PDE4D: variants seen among roughly 807,000 people sequenced by gnomAD.
The protein encoded by PDE4D is 3',5'-cyclic-AMP phosphodiesterase 4D.
Under a neutral mutation model 87.4 loss-of-function variants are expected in PDE4D, and 24 were observed. The ratio of observed to expected loss-of-function variants is 0.27; its 90% CI spans 0.20 to 0.39. PDE4D has a LOEUF of 0.39. Ranked by LOEUF, PDE4D falls within the 10% of genes least tolerant of loss-of-function variation. The pLI is 1.00. For missense variants in PDE4D, 714 were observed against 1,041.0 expected, an observed-to-expected ratio of 0.69 and a Z score of 4.32; for synonymous variants, 384 against 383.2, an observed-to-expected ratio of 1.00 and a Z score of -0.02.
At chr5:59,803,997 C>T (rs1428820943) in intron 1 of PDE4D, among the ~76,000 whole-genome samples, 1 of 152,042 alleles carries the variant, frequency 6.6e-6, no homozygotes, top group Non-Finnish European at 1.5e-5. Context: ...ATGACCATGT[C>T]CCACTTTCTT....
chr5:59,643,995 G>C (rs1742034995), intron 1 of PDE4D, among the ~76,000 whole-genome samples: 1 of 152,146 alleles, frequency 6.6e-6, no homozygotes, highest in South Asian at 2.1e-4. Context: ...TGCCAAGAGA[G>C]ATGTAATAAT....
intron 2 of PDE4D, among the ~76,000 whole-genome samples, chr5:60,156,695 C>T (rs928385048): frequency 2.0e-5 from 3 of 151,892 alleles, no homozygotes; most frequent in East Asian, 1.9e-4. Flanking sequence ...TCTTACCTGC[C>T]CTAGTTTCTG....
rs543564600 is a variant in PDE4D, at chr5:59,275,914, A to G, written c.456-59946T>C. ...AGGAAAACACTCCTCTCCGTGGAGCAAAGAAGTCAGCCAAGGAACAAATCT... is the reference window on the plus strand; with the variant it reads ...AGGAAAACACTCCTCTCCGTGGAGCGAAGAAGTCAGCCAAGGAACAAATCT... On this transcript the variant is annotated intron_variant, in intron 1 of 14. Coordinates refer to ENST00000340635, the MANE Select transcript of PDE4D (RefSeq NM_001104631.2). 2.1e-5 allele frequency: 21 copies of G among 985,366 alleles called. No individual in the cohort carries two copies. The South Asian group carries it at 6.6e-4, about 31-fold the overall frequency. 61.0% of individuals were successfully genotyped at this position (985,366 alleles called of 1,614,324 possible).
intron 1 of PDE4D, among the ~76,000 whole-genome samples, chr5:59,515,185 C>A (rs1216819265): frequency 6.6e-6 from 1 of 152,174 alleles, no homozygotes; most frequent in Non-Finnish European, 1.5e-5. Context: ...TCAAAGATAT[C>A]TAATCTTGAT....
At chr5:59,886,458 A>C (rs962752393) in intron 1 of PDE4D, among the ~76,000 whole-genome samples, 8 of 152,124 alleles carry the variant, frequency 5.3e-5, no homozygotes, top group African/African-American at 1.4e-4. Context: ...CGGAGCTTGC[A>C]GTGAGCCGAG....
At chr5:59,034,293 G>A (rs1337598070) in intron 6 of PDE4D, among the ~76,000 whole-genome samples, 3 of 151,968 alleles carry the variant, frequency 2.0e-5, no homozygotes, top group Non-Finnish European at 4.4e-5. Flanking sequence ...TTGTATTTAG[G>A]CATATTAACA....
chr5:58,995,804 C>T (rs1749076190), intron 6 of PDE4D, among the ~76,000 whole-genome samples: 1 of 152,164 alleles, frequency 6.6e-6, no homozygotes. Context: ...GTATGGGAAA[C>T]CATAGCTATG....
intron 1 of PDE4D, among the ~76,000 whole-genome samples, chr5:60,240,081 ATTAGTCT>A (rs1168288456): frequency 6.6e-6 from 1 of 152,010 alleles, no homozygotes; most frequent in East Asian, 1.9e-4. Flanking sequence ...TAACCTATTT[ATTAGTCT>A]TTTCAGGGCT....
At chr5:60,135,121 G>A (rs978872006) in intron 2 of PDE4D, among the ~76,000 whole-genome samples, 2 of 152,142 alleles carry the variant, frequency 1.3e-5, no homozygotes, top group African/African-American at 4.8e-5. Context: ...TTGAGATGGG[G>A]CACTTGAGAT....
At chr5:59,363,752 C>T (rs964617746) in intron 1 of PDE4D, among the ~76,000 whole-genome samples, 1 of 152,114 alleles carries the variant, frequency 6.6e-6, no homozygotes, top group Non-Finnish European at 1.5e-5. Flanking sequence ...ATCTTGTCTC[C>T]ATTGTGGCTG....
intron 1 of PDE4D, among the ~76,000 whole-genome samples, chr5:60,316,821 C>T (rs1172131135): frequency 6.6e-6 from 1 of 152,226 alleles, no homozygotes; most frequent in Non-Finnish European, 1.5e-5. Flanking sequence ...ACCAGCCTTG[C>T]ATCCCAGGGA....
intron 1 of PDE4D, among the ~76,000 whole-genome samples, chr5:59,388,852 A>G (rs1179037683): frequency 6.6e-6 from 1 of 152,128 alleles, no homozygotes; most frequent in Non-Finnish European, 1.5e-5. Context: ...TTAGGAACTC[A>G]AACGATGTAG....
At chr5:60,244,365 C>G (rs990600963) in intron 1 of PDE4D, among the ~76,000 whole-genome samples, 6 of 151,896 alleles carry the variant, frequency 4.0e-5, no homozygotes, top group African/African-American at 1.4e-4. Context: ...GTTAAAATGT[C>G]CATACTATCC....
chr5:59,587,338 T>C, intron 1 of PDE4D: 1 of 593,174 alleles, frequency 1.7e-6, no homozygotes, highest in Non-Finnish European at 2.1e-6. Context: ...TTTTCTTTTT[T>C]TTCCTCTCTC....
rs1033950387 is a variant in PDE4D at position 59,131,229 on chromosome 5, G to C, written c.808+49366C>G. Among the ~76,000 whole-genome samples the C allele has an allele frequency of 3.9e-5, 6 of 152,226 alleles. No individual in the cohort carries two copies. The South Asian group carries it at 1.2e-3, about 32-fold the overall frequency. On this transcript the variant is annotated intron_variant, in intron 5 of 14. Transcript: ENST00000340635. ...TGTATGTTGCCTTCATGGTGCTTAAGGCAGTTCAATCATACATTTTGTTTT... is the reference window on the plus strand; with the variant it reads ...TGTATGTTGCCTTCATGGTGCTTAACGCAGTTCAATCATACATTTTGTTTT...
intron 1 of PDE4D, among the ~76,000 whole-genome samples, chr5:59,852,913 TA>T: frequency 6.6e-6 from 1 of 152,078 alleles, no homozygotes; most frequent in East Asian, 1.9e-4. Flanking sequence ...CCATAGTTAA[TA>T]GATTATATGT....
At chr5:59,693,409 A>T (rs1049357655) in intron 1 of PDE4D, among the ~76,000 whole-genome samples, 2 of 152,152 alleles carry the variant, frequency 1.3e-5, no homozygotes, top group Non-Finnish European at 2.9e-5. Flanking sequence ...GTTATATATT[A>T]AAAGTGGTTA....
intron 1 of PDE4D, among the ~76,000 whole-genome samples, chr5:59,563,369 GT>G (rs1351922846): frequency 1.3e-5 from 2 of 152,206 alleles, no homozygotes; most frequent in Non-Finnish European, 2.9e-5. Context: ...GCCCACACTA[GT>G]TAACATAACT....
intron 1 of PDE4D, among the ~76,000 whole-genome samples, chr5:59,566,469 A>AT (rs1329150608): frequency 6.6e-6 from 1 of 151,942 alleles, no homozygotes; most frequent in East Asian, 1.9e-4. Flanking sequence ...AGATAAAAAA[A>AT]CCCTTCACAG....
Sources: gnomAD v4.1 joint callset for allele counts (sites outside exome capture counted in the v4.1 genomes callset) on GRCh38, gnomAD v4.1.1 for gene constraint, MANE v1.5 for transcripts, NCBI Gene and HGNC (gene_info 2026-07-23, HGNC 2026-07-21) for gene names.